Variants in SH3RF2 observed in about 807,000 individuals in gnomAD.
SH3RF2 encodes the protein SH3 domain containing ring finger 2, also known as E3 ubiquitin-protein ligase SH3RF2.
A neutral mutation model predicts 59.0 loss-of-function variants in SH3RF2; 43 were observed. That is an observed-to-expected ratio of 0.73 (90% CI 0.57 to 0.94). SH3RF2 has a LOEUF of 0.94. Among genes scored for constraint, SH3RF2 ranks in the 40% least tolerant of loss-of-function variants. The probability of loss-of-function intolerance (pLI) is 0.00; values close to 1 mark genes in which losing one functional copy is unlikely to be tolerated. For synonymous variants in SH3RF2, 391 were observed against 391.5 expected (o/e 1.00, Z 0.01); for missense variants, 930 against 940.1 (o/e 0.99, Z 0.14).
chr5:146,064,821 AAAG>A (rs1763052697), downstream of SH3RF2, among the ~76,000 whole-genome samples: 1 of 12,038 alleles, frequency 8.3e-5, no homozygotes, highest in Non-Finnish European at 1.1e-3. Context: ...AGAAAGAAAG[AAAG>A]AAAGAAAGAA....
chr5:145,968,033 A>T (rs1166697608), intron 2 of SH3RF2, among the ~76,000 whole-genome samples: 2 of 152,192 alleles, frequency 1.3e-5, no homozygotes, highest in South Asian at 2.1e-4. Flanking sequence ...CTGACACTGT[A>T]AAAAACTGTA....
chr5:146,056,375 G>C, intron 8 of SH3RF2, 162 bp downstream of exon 8: 1 of 1,231,964 alleles, frequency 8.1e-7, no homozygotes, highest in African/African-American at 1.5e-5. Context: ...ATTGAATGAA[G>C]TCATACCAAC....
Position 146,072,531 on chromosome 5 carries a change from C to T in SH3RF2, c.*34-5929C>T, listed in dbSNP as rs565813040. On this transcript the variant is annotated intron_variant, in intron 9 of 9. Transcript: ENST00000511217. ...ATTAAAAATACAAAAATTAGCCAGACGTGGTGGCGGGCACCTGTAGTCCCA... is the reference window on the plus strand; with the variant it reads ...ATTAAAAATACAAAAATTAGCCAGATGTGGTGGCGGGCACCTGTAGTCCCA... Among the ~76,000 whole-genome samples, 8 of 152,166 alleles carry T rather than the reference C, an allele frequency of 5.3e-5. No individual in the cohort carries two copies. The South Asian group carries it at 6.2e-4, about 12-fold the overall frequency.
chr5:146,047,935 T>A (rs1762367291), intron 6 of SH3RF2, 72 bp downstream of exon 6: 1 of 1,414,160 alleles, frequency 7.1e-7, no homozygotes, highest in Non-Finnish European at 9.9e-7. Context: ...ACAGTGGTGA[T>A]CTAGCATCAC....
intron 4 of SH3RF2, among the ~76,000 whole-genome samples, chr5:146,008,063 A>ATCAT (rs1450399267): frequency 1.3e-5 from 2 of 152,214 alleles, no homozygotes; most frequent in East Asian, 3.8e-4. Context: ...TTGTTAATGT[A>ATCAT]TCATTTCACT....
At chr5:146,035,204 C>A (rs900903190) in intron 5 of SH3RF2, among the ~76,000 whole-genome samples, 1 of 151,010 alleles carries the variant, frequency 6.6e-6, no homozygotes, top group East Asian at 1.9e-4. Flanking sequence ...TCGTTGTTGT[C>A]GCTGTAATAT....
intron 2 of SH3RF2, among the ~76,000 whole-genome samples, chr5:145,977,518 G>A (rs1759339793): frequency 6.6e-6 from 1 of 152,126 alleles, no homozygotes; most frequent in South Asian, 2.1e-4. Flanking sequence ...CTCTGAAATG[G>A]GACCACATTA....
intron 5 of SH3RF2, among the ~76,000 whole-genome samples, chr5:146,022,461 C>G (rs1272882119): frequency 6.6e-6 from 1 of 152,288 alleles, no homozygotes; most frequent in South Asian, 2.1e-4. Context: ...CCCACCTTGC[C>G]TCTTGGATTA....
At position 146,056,372 on chromosome 5, in the gene SH3RF2, G is replaced by C. The variant is rs188708311; in HGVS notation, c.1555+159G>C. Reference sequence around the variant, plus strand: ...TCCCAAATGATGAGTTTTATTGAATGAAGTCATACCAACTCAAGGTGATGG... The same window carrying C: ...TCCCAAATGATGAGTTTTATTGAATCAAGTCATACCAACTCAAGGTGATGG... On this transcript the variant is annotated intron_variant, in intron 8 of 9. Transcript: ENST00000359120. The C allele has an allele frequency of 2.4e-6, 3 of 1,245,408 alleles. No homozygotes were observed. The East Asian group carries it at 7.6e-5, about 32-fold the overall frequency. 77.1% of individuals were successfully genotyped at this position (1,245,408 alleles called of 1,614,324 possible). A position where few individuals can be genotyped will look rare whatever the true frequency, so the allele number is the denominator to read the frequency against.
chr5:146,078,195 A>C (rs1398675534), intron 9 of SH3RF2, among the ~76,000 whole-genome samples: 2 of 152,210 alleles, frequency 1.3e-5, no homozygotes, highest in African/African-American at 4.8e-5. Flanking sequence ...ATATCTCCTC[A>C]CAAGATACTT....
Position 146,004,120 on chromosome 5 carries a change from T to G in SH3RF2, c.711T>G (p.Asp237Glu). 6.2e-7 allele frequency: 1 copy of G among 1,613,078 alleles called. No individual in the cohort carries two copies. Residue 237 changes from aspartate to glutamate, a missense_variant, in exon 4 of 10, where the codon GAT (aspartate) becomes GAG (glutamate). Coordinates refer to ENST00000359120, the MANE Select transcript of SH3RF2 (RefSeq NM_152550.4). ...DENWAEGKLG[D>E]KVGIFPILFV... ...ACTGGGCAGAAGGCAAGTTAGGAGA[T>G]AAAGTAGGCATCTTCCCTATCTTGT... is the stretch of plus-strand genomic sequence containing the variant.
At chr5:145,957,637 C>T (rs1758465513) in intron 2 of SH3RF2, among the ~76,000 whole-genome samples, 1 of 152,002 alleles carries the variant, frequency 6.6e-6, no homozygotes, top group Admixed American at 6.6e-5. Context: ...ACACAGAGAG[C>T]AAGAGACAAA....
intron 5 of SH3RF2, among the ~76,000 whole-genome samples, chr5:146,034,279 G>C (rs1761848447): frequency 6.6e-6 from 1 of 152,204 alleles, no homozygotes; most frequent in African/African-American, 2.4e-5. Flanking sequence ...TCCTGAGCTT[G>C]TGTGGCTCAT....
At chr5:145,995,417 G>T (rs904596562) in intron 2 of SH3RF2, among the ~76,000 whole-genome samples, 1 of 152,160 alleles carries the variant, frequency 6.6e-6, no homozygotes, top group African/African-American at 2.4e-5. Flanking sequence ...AACCCCGGGG[G>T]TCTAACAGAT....
intron 2 of SH3RF2, among the ~76,000 whole-genome samples, chr5:145,939,425 A>C (rs996225300): frequency 6.6e-6 from 1 of 152,192 alleles, no homozygotes; most frequent in Non-Finnish European, 1.5e-5. Flanking sequence ...TGTGATACGC[A>C]TTTGGAACAA....
chr5:146,009,268 C>T (rs1314624053), intron 4 of SH3RF2, among the ~76,000 whole-genome samples: 6 of 152,134 alleles, frequency 3.9e-5, no homozygotes, highest in East Asian at 1.9e-4. Context: ...TAAGTCCTGC[C>T]AAAGACTTCC....
chr5:146,072,595 CG>C (rs1763261912), intron 9 of SH3RF2, among the ~76,000 whole-genome samples: 1 of 152,036 alleles, frequency 6.6e-6, no homozygotes, highest in South Asian at 2.1e-4. Context: ...CACTTGAACC[CG>C]GGAGGCAGAG....
chr5:146,019,972 AC>A (rs1761249630), intron 5 of SH3RF2, among the ~76,000 whole-genome samples: 1 of 152,120 alleles, frequency 6.6e-6, no homozygotes, highest in Non-Finnish European at 1.5e-5. Flanking sequence ...ACCTGAGACT[AC>A]TGAATTCATT....
At chr5:146,052,506 G>T (rs1762535672) in intron 7 of SH3RF2, among the ~76,000 whole-genome samples, 1 of 152,152 alleles carries the variant, frequency 6.6e-6, no homozygotes, top group South Asian at 2.1e-4. Flanking sequence ...ATATTGAGGT[G>T]CTACTAACAT....
Sources: allele counts gnomAD v4.1 joint callset (sites outside exome capture counted in the v4.1 genomes callset), GRCh38; gene constraint gnomAD v4.1.1; transcripts MANE v1.5; gene names NCBI Gene and HGNC (gene_info 2026-07-23, HGNC 2026-07-21).